Variants in MINDY2 observed in about 807,000 individuals in gnomAD.
The protein encoded by MINDY2 is ubiquitin carboxyl-terminal hydrolase MINDY-2.
A neutral mutation model predicts 68.2 loss-of-function variants in MINDY2; 52 were observed. That is an observed-to-expected ratio of 0.76 (90% CI 0.61 to 0.96). The LOEUF (loss-of-function observed/expected upper bound fraction) is 0.96. MINDY2 is among the 40% of genes least tolerant of loss of function. The probability of loss-of-function intolerance (pLI) is 0.00; values close to 1 mark genes in which losing one functional copy is unlikely to be tolerated. For missense variants in MINDY2, 881 were observed against 773.4 expected (o/e 1.14, Z -1.65); for synonymous variants, 372 against 303.0 (o/e 1.23, Z -2.36).
At chr15:58,826,427 C>T (rs1410036867) in intron 5 of MINDY2, among the ~76,000 whole-genome samples, 1 of 151,996 alleles carries the variant, frequency 6.6e-6, no homozygotes, top group Non-Finnish European at 1.5e-5. Context: ...TGGGGTTTCT[C>T]TGTGTTGGTC....
intron 6 of MINDY2, among the ~76,000 whole-genome samples, chr15:58,846,103 AAAAAG>A: frequency 6.6e-6 from 1 of 151,990 alleles, no homozygotes. Flanking sequence ...AAAAAAAAAA[AAAAAG>A]AAAAAACAGA....
chr15:58,852,376 G>A (rs1182705497), intron 8 of MINDY2, among the ~76,000 whole-genome samples: 1 of 145,874 alleles, frequency 6.9e-6, no homozygotes, highest in Non-Finnish European at 1.5e-5. Context: ...CTTCAATTTT[G>A]TTAGGATTTT....
intron 6 of MINDY2, among the ~76,000 whole-genome samples, chr15:58,840,592 CTT>C (rs1210172102): frequency 6.6e-6 from 1 of 150,630 alleles, no homozygotes; most frequent in African/African-American, 2.4e-5. Context: ...GGCGGATCCT[CTT>C]TGTGAAATAC....
chr15:58,833,495 A>C (rs2031844817), intron 6 of MINDY2, among the ~76,000 whole-genome samples: 2 of 152,202 alleles, frequency 1.3e-5, no homozygotes, highest in African/African-American at 4.8e-5. Flanking sequence ...CCACGCCGGC[A>C]CCGGCCTCTG....
Position 58,860,009 on chromosome 15 carries a change from T to C in MINDY2, c.*5399T>C, listed in dbSNP as rs2033171946. ...TCCCAGAGAAAGTGTTGAGATACCATGGCAGAAATATAAAACCTAAGCTTT... is the reference window on the plus strand; with the variant it reads ...TCCCAGAGAAAGTGTTGAGATACCACGGCAGAAATATAAAACCTAAGCTTT... On this transcript the variant is annotated 3_prime_UTR_variant, in exon 9 of 9. Coordinates refer to ENST00000559228, the MANE Select transcript of MINDY2 (RefSeq NM_001040450.3). The C allele has an allele frequency of 2.0e-5, 3 of 152,200 alleles. No homozygotes were observed. In the South Asian group the frequency reaches 6.2e-4, roughly 31 times the overall value. 9.4% of individuals were successfully genotyped at this position (152,200 alleles called of 1,614,324 possible).
At chr15:58,813,758 T>TC (rs1242316743) in intron 4 of MINDY2, among the ~76,000 whole-genome samples, 1 of 151,354 alleles carries the variant, frequency 6.6e-6, no homozygotes, top group Non-Finnish European at 1.5e-5. Flanking sequence ...TTTTTTTTTT[T>TC]AAGAAAGCGA....
intron 5 of MINDY2, among the ~76,000 whole-genome samples, chr15:58,828,015 C>T (rs1212892516): frequency 1.3e-5 from 2 of 151,706 alleles, no homozygotes; most frequent in Admixed American, 6.6e-5. Context: ...GGTGGATCAC[C>T]TGAGGTCAGG....
chr15:58,803,963 A>C (rs1355416605), intron 3 of MINDY2, among the ~76,000 whole-genome samples: 10 of 150,276 alleles, frequency 6.7e-5, no homozygotes, highest in African/African-American at 2.0e-4. Context: ...AAAAAAAAAA[A>C]AAAAAATACA....
At chr15:58,783,645 C>A (rs1901300074) in intron 1 of MINDY2, among the ~76,000 whole-genome samples, 1 of 152,124 alleles carries the variant, frequency 6.6e-6, no homozygotes, top group African/African-American at 2.4e-5. Context: ...TTAAGAATTA[C>A]AGAATGGTCC....
At chr15:58,838,413 G>T (rs991210932) in intron 6 of MINDY2, among the ~76,000 whole-genome samples, 4 of 151,506 alleles carry the variant, frequency 2.6e-5, no homozygotes, top group Admixed American at 6.6e-5. Context: ...AAACAAAAAA[G>T]ATATACTTTC....
intron 4 of MINDY2, among the ~76,000 whole-genome samples, chr15:58,811,462 A>G (rs751866822): frequency 6.6e-6 from 1 of 152,230 alleles, no homozygotes; most frequent in Non-Finnish European, 1.5e-5. Context: ...AAGGGGAACA[A>G]CAAGTAAGAG....
intron 3 of MINDY2, among the ~76,000 whole-genome samples, chr15:58,808,077 A>G (rs2029939096): frequency 6.7e-6 from 1 of 149,770 alleles, no homozygotes; most frequent in African/African-American, 2.5e-5. Context: ...TTTTCAGTGC[A>G]TTCACTGCAA....
intron 5 of MINDY2, among the ~76,000 whole-genome samples, chr15:58,826,116 A>C (rs1054396184): frequency 1.3e-5 from 2 of 151,946 alleles, no homozygotes; most frequent in Non-Finnish European, 2.9e-5. Flanking sequence ...AAAAATCTCA[A>C]ACCTATAAAA....
At chr15:58,793,339 C>G (rs565374803) in intron 2 of MINDY2, among the ~76,000 whole-genome samples, 6 of 152,142 alleles carry the variant, frequency 3.9e-5, no homozygotes, top group Non-Finnish European at 8.8e-5. Flanking sequence ...GTAGTCCCAG[C>G]TACTTGGGAA....
At chr15:58,818,950 T>C (rs1310172760) in intron 4 of MINDY2, among the ~76,000 whole-genome samples, 1 of 151,916 alleles carries the variant, frequency 6.6e-6, no homozygotes, top group Admixed American at 6.6e-5. Flanking sequence ...CTATTGATCT[T>C]GTGTTTATTA....
intron 2 of MINDY2, among the ~76,000 whole-genome samples, chr15:58,795,429 G>A (rs1353101240): frequency 6.6e-6 from 1 of 151,728 alleles, no homozygotes; most frequent in African/African-American, 2.4e-5. Context: ...TTTTTGAGAC[G>A]GAGTCTTGCT....
chr15:58,789,721 C>A (rs772241046), intron 2 of MINDY2, among the ~76,000 whole-genome samples: 2 of 152,090 alleles, frequency 1.3e-5, no homozygotes, highest in Non-Finnish European at 2.9e-5. Flanking sequence ...GATCTCAGCT[C>A]ACCGCAACCT....
intron 4 of MINDY2, among the ~76,000 whole-genome samples, chr15:58,814,697 A>G (rs1411429414): frequency 4.7e-5 from 7 of 149,490 alleles, no homozygotes; most frequent in Admixed American, 1.3e-4. Flanking sequence ...TTATTTGGCT[A>G]TGTGTCTTTT....
intron 6 of MINDY2, among the ~76,000 whole-genome samples, chr15:58,844,531 G>A (rs2032432751): frequency 7.4e-6 from 1 of 135,046 alleles, no homozygotes; most frequent in South Asian, 2.4e-4. Context: ...CAGTACTCCA[G>A]CCTGGGCGAC....
Sources: gnomAD v4.1 joint callset for allele counts (sites outside exome capture counted in the v4.1 genomes callset) on GRCh38, gnomAD v4.1.1 for gene constraint, MANE v1.5 for transcripts, NCBI Gene and HGNC (gene_info 2026-07-23, HGNC 2026-07-21) for gene names.